Variants in FGGY observed in about 807,000 individuals in gnomAD.
FGGY encodes FGGY carbohydrate kinase domain containing, also known as FGGY carbohydrate kinase domain-containing protein.
In FGGY, 72 loss-of-function variants were observed where a neutral mutation model predicts 71.3. That is an observed-to-expected ratio of 1.01 (90% CI 0.84 to 1.23). FGGY has a LOEUF of 1.23. Among genes scored for constraint, FGGY ranks in the 50% most tolerant of loss-of-function variants. The pLI, the probability that FGGY is intolerant of heterozygous loss-of-function variation, is 0.00. For synonymous variants in FGGY, 251 were observed against 250.3 expected (o/e 1.00, Z -0.02); for missense variants, 668 against 682.3 (o/e 0.98, Z 0.23).
chr1:59,298,460 T>G (rs1055154712), intron 1 of FGGY, among the ~76,000 whole-genome samples: 1 of 152,120 alleles, frequency 6.6e-6, no homozygotes, highest in Non-Finnish European at 1.5e-5. Context: ...CCCCAGAGGG[T>G]GGAGAGCCAT....
At chr1:59,440,577 T>C (rs10493265) in intron 5 of FGGY, among the ~76,000 whole-genome samples, 2,041 of 151,158 alleles carry the variant, frequency 0.014, 46 homozygotes, top group African/African-American at 0.048. Context: ...CAGTGATAAC[T>C]ATTGATTCAG....
intron 6 of FGGY, among the ~76,000 whole-genome samples, chr1:59,481,758 T>C (rs1441791305): frequency 6.6e-6 from 1 of 152,096 alleles, no homozygotes; most frequent in Non-Finnish European, 1.5e-5. Context: ...AGGCCAGCGG[T>C]CTAAGTAAGA....
At chr1:59,556,623 A>G (rs2095690572) in intron 8 of FGGY, among the ~76,000 whole-genome samples, 1 of 152,156 alleles carries the variant, frequency 6.6e-6, no homozygotes, top group Non-Finnish European at 1.5e-5. Context: ...ACATCTGCTC[A>G]TGCATGTTTT....
intron 12 of FGGY, among the ~76,000 whole-genome samples, chr1:59,663,783 AT>A (rs1197072979): frequency 6.6e-6 from 1 of 152,176 alleles, no homozygotes; most frequent in East Asian, 1.9e-4. Flanking sequence ...AAAAATGTGC[AT>A]TTTAATGAGG....
At chr1:59,580,188 A>T (rs4504912) in intron 8 of FGGY, among the ~76,000 whole-genome samples, 1 of 151,972 alleles carries the variant, frequency 6.6e-6, no homozygotes, top group Non-Finnish European at 1.5e-5. Flanking sequence ...TTCTACACAC[A>T]GTTATCGTCC....
In FGGY at chr1:59,504,906, A is replaced by T. The variant is rs562049853; in HGVS notation, c.671-7405A>T. On this transcript the variant is annotated intron_variant, in intron 6 of 15. Transcript: ENST00000303721. Reference sequence around the variant, plus strand: ...AAAAACTAAGTTCAGCTAAATGAACATTGCTGAGAACTTATGTTCTAGACA... The same window carrying T: ...AAAAACTAAGTTCAGCTAAATGAACTTTGCTGAGAACTTATGTTCTAGACA... 2.6e-5 allele frequency among the ~76,000 whole-genome samples: 4 copies of T among 152,340 alleles called. No homozygotes were observed. In the South Asian group the frequency reaches 6.2e-4, roughly 24 times the overall value.
chr1:59,753,459 T>C (rs1389164582), intron 14 of FGGY, among the ~76,000 whole-genome samples: 1 of 115,502 alleles, frequency 8.7e-6, no homozygotes, highest in African/African-American at 3.2e-5. Context: ...TTTATAAGCA[T>C]AACTTTAAAT....
At chr1:59,567,352 G>A (rs2095890775) in intron 8 of FGGY, among the ~76,000 whole-genome samples, 1 of 152,100 alleles carries the variant, frequency 6.6e-6, no homozygotes. Context: ...TGATTGAAAA[G>A]CATTAAGAAC....
chr1:59,507,863 A>C (rs1360325861), intron 6 of FGGY, among the ~76,000 whole-genome samples: 1 of 151,878 alleles, frequency 6.6e-6, no homozygotes, highest in Non-Finnish European at 1.5e-5. Context: ...ACCCAACCTG[A>C]GCACTTACAG....
intron 4 of FGGY, among the ~76,000 whole-genome samples, chr1:59,363,056 AC>A (rs1353981701): frequency 6.6e-6 from 1 of 152,228 alleles, no homozygotes; most frequent in African/African-American, 2.4e-5. Context: ...GAAGAGACAG[AC>A]CCACACGTAA....
At chr1:59,661,052 C>G (rs914550611) in intron 12 of FGGY, among the ~76,000 whole-genome samples, 3 of 152,042 alleles carry the variant, frequency 2.0e-5, no homozygotes, top group African/African-American at 7.2e-5. Flanking sequence ...TTAGCCACTT[C>G]TGAAAAGAGA....
intron 11 of FGGY, among the ~76,000 whole-genome samples, chr1:59,640,528 A>C (rs1290928345): frequency 6.6e-6 from 1 of 152,202 alleles, no homozygotes; most frequent in African/African-American, 2.4e-5. Flanking sequence ...AGTGCTTGAA[A>C]AAATGTTAAT....
intron 14 of FGGY, among the ~76,000 whole-genome samples, chr1:59,745,923 G>C (rs900616959): frequency 6.6e-6 from 1 of 152,224 alleles, no homozygotes; most frequent in Non-Finnish European, 1.5e-5. Context: ...GAAAGTGGCT[G>C]TTGGTATATT....
rs375619684 is a variant in FGGY, at chr1:59,515,280, A to G, written c.799+2841A>G. ...CCCTGAAACTCCTTTGTTTTGGCCA[A>G]TTTCTCCTGGAATGGCTGTATGTAC... On this transcript the variant is annotated intron_variant, in intron 7 of 15. Coordinates refer to ENST00000303721, the MANE Select transcript of FGGY (RefSeq NM_018291.5). 8.5e-4 allele frequency among the ~76,000 whole-genome samples: 129 copies of G among 152,236 alleles called. 1 individual carries two copies. The highest frequency in any genetic ancestry group is 3.0e-3 in the African/African-American group (124 of 41,528).
At chr1:59,664,370 C>T (rs1004580432) in intron 12 of FGGY, among the ~76,000 whole-genome samples, 1 of 152,212 alleles carries the variant, frequency 6.6e-6, no homozygotes, top group Non-Finnish European at 1.5e-5. Context: ...TGGGAAATTC[C>T]AGCCGACAAT....
chr1:59,498,101 T>C (rs577578391), intron 6 of FGGY, among the ~76,000 whole-genome samples: 41 of 152,352 alleles, frequency 2.7e-4, no homozygotes, highest in Middle Eastern at 3.4e-3. Flanking sequence ...TAGCTTTTCT[T>C]TATTGTTATT....
At chr1:59,697,036 T>G (rs1224377332) in intron 14 of FGGY, among the ~76,000 whole-genome samples, 1 of 151,970 alleles carries the variant, frequency 6.6e-6, no homozygotes, top group Non-Finnish European at 1.5e-5. Flanking sequence ...TCCAGAAAAG[T>G]GGCGAGGAAA....
At chr1:59,509,236 A>G (rs1012572809) in intron 6 of FGGY, among the ~76,000 whole-genome samples, 9 of 152,158 alleles carry the variant, frequency 5.9e-5, no homozygotes, top group Admixed American at 1.3e-4. Context: ...TTCTTGTTCC[A>G]TGGAATCCCT....
chr1:59,431,443 C>G (rs985122435), intron 5 of FGGY, among the ~76,000 whole-genome samples: 1 of 152,084 alleles, frequency 6.6e-6, no homozygotes, highest in African/African-American at 2.4e-5. Flanking sequence ...CTAGTAATGC[C>G]CTTTCTTAAT....
Sources: gnomAD v4.1 joint callset for allele counts (sites outside exome capture counted in the v4.1 genomes callset) on GRCh38, gnomAD v4.1.1 for gene constraint, MANE v1.5 for transcripts, NCBI Gene and HGNC (gene_info 2026-07-23, HGNC 2026-07-21) for gene names.